The following CRACD variants were observed in gnomAD, a reference collection of about 807,000 sequenced individuals.
The protein encoded by CRACD is capping protein-inhibiting regulator of actin dynamics.
A neutral mutation model predicts 106.8 loss-of-function variants in CRACD; 56 were observed. The observed-to-expected ratio is 0.52, with a 90% confidence interval of 0.42 to 0.66. The LOEUF (loss-of-function observed/expected upper bound fraction) is 0.66, where lower values mean the gene tolerates loss of function less well. Ranked by LOEUF, CRACD falls within the 30% of genes least tolerant of loss-of-function variation. The pLI is 0.00. For synonymous variants in CRACD, 754 were observed against 670.8 expected, an observed-to-expected ratio of 1.12 and a Z score of -1.92; for missense variants, 1,730 against 1,623.2, an observed-to-expected ratio of 1.07 and a Z score of -1.13.
intron 2 of CRACD, among the ~76,000 whole-genome samples, chr4:56,230,326 A>G (rs759032746): frequency 1.3e-5 from 2 of 152,172 alleles, no homozygotes; most frequent in Non-Finnish European, 2.9e-5. Flanking sequence ...TTTTCTGCAC[A>G]TAATGAATCT....
rs1450259248 is a variant in CRACD at position 56,316,616 on chromosome 4, G to A, written c.3114G>A (p.Arg1038=). ...ACGAGGAGGAAGAGGCGACAGAGAG[G>A]AAACCTGCTTCCCCACCTCTGCCTG... ...KRDEEEEATE[R]KPASPPLPAT... Residue 1038 remains arginine (R), a synonymous_variant, in exon 8 of 11, where the codon AGG becomes AGA. Coordinates refer to ENST00000682029, the MANE Select transcript of CRACD (RefSeq NM_001393381.1). 1 of 1,613,314 alleles carries A rather than the reference G, an allele frequency of 6.2e-7. No individual in the cohort carries two copies. Among genetic ancestry groups the A allele is most frequent in the South Asian group, 1.1e-5 (1 of 91,040 alleles).
intron 1 of CRACD, among the ~76,000 whole-genome samples, chr4:56,140,261 C>G (rs1003506562): frequency 9.2e-5 from 14 of 152,202 alleles, no homozygotes; most frequent in Admixed American, 1.3e-4. Context: ...AGGAACAGCA[C>G]CTTCCTGTTC....
chr4:56,314,884 G>C lies in CRACD; in HGVS notation c.1382G>C (p.Arg461Pro). Reference protein sequence around the residue: ...CEEQNPEAERRREQQGRSGDF... With the variant: ...CEEQNPEAERPREQQGRSGDF... Reference sequence around the variant, plus strand: ...GAGCAGAACCCAGAGGCCGAGCGGCGAAGAGAGCAGCAGGGAAGGAGCGGG... The same window carrying C: ...GAGCAGAACCCAGAGGCCGAGCGGCCAAGAGAGCAGCAGGGAAGGAGCGGG... The change falls in exon 8 of 11, where the codon CGA (arginine) becomes CCA (proline). Residue 461 changes from arginine (R) to proline (P), a missense_variant. By Grantham distance (103) the Arg-to-Pro change is moderately radical. Around this residue, in one of 5 missense-constraint regions of CRACD, gnomAD observed 1,620 missense variants for 1,481.6 expected, o/e 1.09. Transcript: ENST00000682029. This position sits in a 1 kb window ranked among gnomAD's most constrained non-coding sequence, Gnocchi z 4.4. 6.2e-7 allele frequency: 1 copy of C among 1,611,002 alleles called. No homozygotes were observed. Among genetic ancestry groups the C allele is most frequent in the Non-Finnish European group, 8.5e-7 (1 of 1,179,168 alleles).
intron 1 of CRACD, among the ~76,000 whole-genome samples, chr4:56,149,100 G>A (rs1223054663): frequency 1.3e-5 from 2 of 152,168 alleles, no homozygotes; most frequent in East Asian, 3.8e-4. Flanking sequence ...ACAGGTGTGA[G>A]CCACCGTGCC....
chr4:56,150,765 G>A (rs779919542), intron 1 of CRACD, among the ~76,000 whole-genome samples: 10 of 152,138 alleles, frequency 6.6e-5, no homozygotes, highest in Non-Finnish European at 1.2e-4. Flanking sequence ...ATAAACAATC[G>A]ACCTAGTCTG....
chr4:56,183,837 C>T (rs879609811), intron 2 of CRACD, among the ~76,000 whole-genome samples: 9 of 152,124 alleles, frequency 5.9e-5, no homozygotes, highest in Non-Finnish European at 8.8e-5. Flanking sequence ...CTGGGCAGCC[C>T]GCATCTGCTT....
chr4:56,059,787 G>A (rs748132105), intron 1 of CRACD, among the ~76,000 whole-genome samples: 1 of 152,134 alleles, frequency 6.6e-6, no homozygotes, highest in Non-Finnish European at 1.5e-5. Flanking sequence ...AGGTTCAAGC[G>A]ATTCTTATGC....
intron 2 of CRACD, among the ~76,000 whole-genome samples, chr4:56,205,298 A>ATGTTCCTACT (rs1560483250): frequency 6.6e-6 from 1 of 152,036 alleles, no homozygotes; most frequent in Admixed American, 6.6e-5. Context: ...AACCCTGTAT[A>ATGTTCCTACT]TGTTCCTACT....
At chr4:56,327,600 G>T in intron 10 of CRACD, 44 bp from the exon 11 acceptor site, 1 of 1,567,506 alleles carries the variant, frequency 6.4e-7, no homozygotes, top group Non-Finnish European at 8.7e-7. Flanking sequence ...TTTGTAGTGT[G>T]GCTGTGAACT....
intron 2 of CRACD, among the ~76,000 whole-genome samples, chr4:56,266,245 GC>G (rs1261502462): frequency 6.6e-6 from 1 of 152,138 alleles, no homozygotes; most frequent in Non-Finnish European, 1.5e-5. Flanking sequence ...GGCAAACACT[GC>G]CTTTTTTCCT....
In CRACD at chr4:56,330,546, A is replaced by G. The variant is rs1746746883; in HGVS notation, c.*2742A>G. 6.6e-6 allele frequency among the ~76,000 whole-genome samples: 1 copy of G among 152,218 alleles called. No individual in the cohort carries two copies. Among genetic ancestry groups the G allele is most frequent in the African/African-American group, 2.4e-5 (1 of 41,462 alleles). The stretch of plus-strand genomic sequence containing the variant: ...TAATTTGCATATTTTAGTTGTATAA[A>G]GTTTTAATGTAAAATGTCCATTATT... On this transcript the variant is annotated 3_prime_UTR_variant, in exon 11 of 11. Coordinates refer to ENST00000682029, the MANE Select transcript of CRACD (RefSeq NM_001393381.1).
At chr4:56,124,234 G>A (rs1483993722) in intron 1 of CRACD, among the ~76,000 whole-genome samples, 2 of 152,128 alleles carry the variant, frequency 1.3e-5, no homozygotes, top group African/African-American at 4.8e-5. Flanking sequence ...CACTGTGCCC[G>A]GCCAAAATAA....
chr4:56,172,848 T>C (rs571066676), intron 1 of CRACD, among the ~76,000 whole-genome samples: 9 of 152,300 alleles, frequency 5.9e-5, no homozygotes, highest in Admixed American at 5.9e-4. Flanking sequence ...GGTCTCGATC[T>C]CCTGACCTCA....
intron 2 of CRACD, among the ~76,000 whole-genome samples, chr4:56,247,535 A>C (rs1207200404): frequency 2.6e-5 from 4 of 152,074 alleles, no homozygotes; most frequent in Non-Finnish European, 5.9e-5. Flanking sequence ...TAAATAGGAG[A>C]GAAAACTCAC....
chr4:56,219,269 G>A (rs1221805658), intron 2 of CRACD, among the ~76,000 whole-genome samples: 2 of 152,236 alleles, frequency 1.3e-5, no homozygotes, highest in Admixed American at 6.5e-5. Flanking sequence ...TTTGAGAACA[G>A]TAAGATTAAG....
chr4:56,188,209 C>T (rs1347815898), intron 2 of CRACD, among the ~76,000 whole-genome samples: 2 of 152,078 alleles, frequency 1.3e-5, no homozygotes, highest in African/African-American at 4.8e-5. Context: ...TATGTATTTT[C>T]AAAAATCGAT....
intron 1 of CRACD, among the ~76,000 whole-genome samples, chr4:56,177,777 G>A (rs1736650141): frequency 6.6e-6 from 1 of 151,958 alleles, no homozygotes; most frequent in African/African-American, 2.4e-5. Flanking sequence ...TTTCATCTAG[G>A]TTTTCTAATT....
chr4:56,072,847 C>T (rs1368062583), intron 1 of CRACD, among the ~76,000 whole-genome samples: 2 of 151,978 alleles, frequency 1.3e-5, no homozygotes, highest in African/African-American at 2.4e-5. Context: ...TGAGTGAGAA[C>T]ATGCAGTGTT....
chr4:56,240,974 A>T (rs1407263432), intron 2 of CRACD, among the ~76,000 whole-genome samples: 1 of 152,206 alleles, frequency 6.6e-6, no homozygotes, highest in Non-Finnish European at 1.5e-5. Flanking sequence ...TGTCAGCATG[A>T]TGGATGGGCC....
Sources: gnomAD v4.1 joint callset for allele counts (sites outside exome capture counted in the v4.1 genomes callset) on GRCh38, gnomAD v4.1.1 for gene constraint, gnomAD v4.1.1 regional missense constraint, Gnocchi (gnomAD v3.1) non-coding constraint, MANE v1.5 for transcripts, NCBI Gene and HGNC (gene_info 2026-07-23, HGNC 2026-07-21) for gene names.